The following EHF variants were observed in gnomAD, a reference collection of about 807,000 sequenced individuals.
The protein encoded by EHF is ETS homologous factor, also known as ESE3 transcription factor.
EHF carries 14 observed loss-of-function variants against 45.1 expected under a neutral mutation model. That is an observed-to-expected ratio of 0.31 (90% confidence interval 0.21 to 0.49). EHF has a LOEUF of 0.49. Ranked by LOEUF, EHF falls within the 20% of genes least tolerant of loss-of-function variation. The pLI, the probability that EHF is intolerant of heterozygous loss-of-function variation, is 0.99. For synonymous variants in EHF, 136 were observed against 131.8 expected (o/e 1.03, Z -0.22); for missense variants, 282 against 371.4 (o/e 0.76, Z 1.98).
intron 6 of EHF, among the ~76,000 whole-genome samples, chr11:34,654,517 T>C (rs1260354893): frequency 6.6e-6 from 1 of 152,188 alleles, no homozygotes; most frequent in African/African-American, 2.4e-5. Context: ...GACTGCTTAT[T>C]CCCCTTTATG....
chr11:34,657,084 T>G, intron 7 of EHF, 114 bp downstream of exon 7: 1 of 1,255,588 alleles, frequency 8.0e-7, no homozygotes, highest in Non-Finnish European at 1.1e-6. Flanking sequence ...CATGTCTTCA[T>G]CCCAAACAGG....
At chr11:34,637,016 C>T (rs908173076) in intron 1 of EHF, among the ~76,000 whole-genome samples, 10 of 122,386 alleles carry the variant, frequency 8.2e-5, no homozygotes, top group African/African-American at 2.4e-4. Flanking sequence ...GCAACAAGAG[C>T]GAAACTTCAT....
At chr11:34,652,227 G>A (rs286898) in intron 6 of EHF, among the ~76,000 whole-genome samples, 45,036 of 152,116 alleles carry the variant, frequency 0.3, 6,913 homozygotes, top group East Asian at 0.54. Flanking sequence ...CCGTGAACCT[G>A]TAGTGATAGT....
chr11:34,625,865 T>C (rs1852334525), intron 1 of EHF, among the ~76,000 whole-genome samples: 1 of 152,220 alleles, frequency 6.6e-6, no homozygotes, highest in East Asian at 1.9e-4. Flanking sequence ...CTCCCTTCTT[T>C]TTTTTTGTTT....
chr11:34,646,973 T>A, intron 3 of EHF: 2 of 464,702 alleles, frequency 4.3e-6, no homozygotes, highest in Non-Finnish European at 7.5e-6. Flanking sequence ...ATACTTACTA[T>A]CCTTGGAAAA....
chr11:34,656,262 A>G (rs1312787605), intron 6 of EHF, among the ~76,000 whole-genome samples: 3 of 152,110 alleles, frequency 2.0e-5, no homozygotes, highest in Non-Finnish European at 4.4e-5. Context: ...GGCCCTCTGT[A>G]TTGAGCTTGG....
chr11:34,640,128 T>A (rs1273179280), intron 1 of EHF, among the ~76,000 whole-genome samples: 1 of 151,882 alleles, frequency 6.6e-6, no homozygotes, highest in Non-Finnish European at 1.5e-5. Flanking sequence ...GTACAGAAAG[T>A]GAGGAACAGA....
intron 1 of EHF, among the ~76,000 whole-genome samples, chr11:34,630,712 T>A (rs2134005226): frequency 6.6e-6 from 1 of 152,254 alleles, no homozygotes; most frequent in African/African-American, 2.4e-5. Flanking sequence ...TGTTGTTAAA[T>A]CTTTTATTTT....
At chr11:34,648,821 T>C (rs1854846161) in intron 3 of EHF, among the ~76,000 whole-genome samples, 198 bp from the exon 4 acceptor site, 1 of 152,204 alleles carries the variant, frequency 6.6e-6, no homozygotes, top group African/African-American at 2.4e-5. Context: ...TGCCTTAGAT[T>C]CCCAATTTTC....
chr11:34,631,390 C>A (rs529722323), intron 1 of EHF: 4 of 161,584 alleles, frequency 2.5e-5, no homozygotes, highest in African/African-American at 9.6e-5. Flanking sequence ...AGTGCTGATG[C>A]CATTGCTTAA....
At chr11:34,650,342 T>C (rs1178408659) in intron 4 of EHF, among the ~76,000 whole-genome samples, 1 of 152,106 alleles carries the variant, frequency 6.6e-6, no homozygotes, top group African/African-American at 2.4e-5. Context: ...TTGGTTCAGT[T>C]TGTTTTCAGA....
chr11:34,654,614 A>G (rs1378595893), intron 6 of EHF, among the ~76,000 whole-genome samples: 1 of 152,120 alleles, frequency 6.6e-6, no homozygotes, highest in African/African-American at 2.4e-5. Context: ...TGACAACTCA[A>G]AGAATATTTC....
At position 34,644,923 on chromosome 11, in the gene EHF, C is replaced by T. The variant is rs141876537; in HGVS notation, c.98-1516C>T. On this transcript the variant is annotated intron_variant, in intron 2 of 8. Coordinates refer to ENST00000257831, the MANE Select transcript of EHF (RefSeq NM_012153.6). ...TCACGTTTGAGAAGAACTGATCTGG[C>T]GTGACCTTGAAGAAAAAGTTAGAGA... Among the ~76,000 whole-genome samples the T allele has an allele frequency of 3.9e-5, 6 of 152,318 alleles. No individual in the cohort carries two copies. In the East Asian group the frequency reaches 5.8e-4, roughly 15 times the overall value.
intron 1 of EHF, among the ~76,000 whole-genome samples, chr11:34,635,701 C>CTTTT (rs11381442): frequency 3.2e-5 from 4 of 124,168 alleles, no homozygotes; most frequent in Non-Finnish European, 4.9e-5. Context: ...TCTTCCTGGT[C>CTTTT]TTTTTTTTTT....
rs1294341618 is a variant in EHF, at chr11:34,621,135, A to G, written c.-97A>G. 2.0e-5 allele frequency: 3 copies of G among 152,200 alleles called. No homozygotes were observed. Among genetic ancestry groups the G allele is most frequent in the Non-Finnish European group, 4.4e-5 (3 of 68,036 alleles). 9.4% of individuals were successfully genotyped at this position (152,200 alleles called of 1,614,324 possible). A position where few individuals can be genotyped will look rare whatever the true frequency, so the allele number is the denominator to read the frequency against. Reference sequence around the variant, plus strand: ...GACTTGATAACACCCGTGGTGCCCCATCCCTATAGGAGCTGGTGAGATTGC... The same window carrying G: ...GACTTGATAACACCCGTGGTGCCCCGTCCCTATAGGAGCTGGTGAGATTGC... On this transcript the variant is annotated 5_prime_UTR_variant, in exon 1 of 9. Transcript: ENST00000257831.
chr11:34,650,818 G>A (rs183240116), intron 4 of EHF, among the ~76,000 whole-genome samples: 48 of 152,270 alleles, frequency 3.2e-4, no homozygotes, highest in Admixed American at 2.4e-3. Context: ...GGTGTTTACC[G>A]CAGCACACAG....
chr11:34,621,484 A>T (rs1851987180), intron 1 of EHF, among the ~76,000 whole-genome samples: 1 of 152,178 alleles, frequency 6.6e-6, no homozygotes, highest in Non-Finnish European at 1.5e-5. Flanking sequence ...TGAATTTAAA[A>T]GCCCCCTCGT....
chr11:34,632,341 G>GC (rs1335584603), intron 1 of EHF: 3 of 696,808 alleles, frequency 4.3e-6, no homozygotes, highest in Non-Finnish European at 6.6e-6. Context: ...GATAACAGAA[G>GC]CCCCTGCCAG....
chr11:34,658,388 G>A (rs1855854909), intron 7 of EHF, 145 bp from the exon 8 acceptor site: 3 of 645,650 alleles, frequency 4.6e-6, no homozygotes, highest in Non-Finnish European at 8.0e-6. Context: ...TCCAACATCT[G>A]GTGATTCTGC....
Sources: allele counts gnomAD v4.1 joint callset (sites outside exome capture counted in the v4.1 genomes callset), GRCh38; gene constraint gnomAD v4.1.1; transcripts MANE v1.5; gene names NCBI Gene and HGNC (gene_info 2026-07-23, HGNC 2026-07-21).